Variants in NOS1AP observed in about 807,000 individuals in gnomAD.
The protein encoded by NOS1AP is nitric oxide synthase 1 adaptor protein.
A neutral mutation model predicts 56.2 loss-of-function variants in NOS1AP; 21 were observed. The ratio of observed to expected loss-of-function variants is 0.37; its 90% CI spans 0.26 to 0.54. NOS1AP has a LOEUF of 0.54. Among genes scored for constraint, NOS1AP ranks in the 20% least tolerant of loss-of-function variants. The pLI is 0.84. For missense variants in NOS1AP, 522 were observed against 657.8 expected (o/e 0.79, Z 2.26); for synonymous variants, 270 against 274.6 (o/e 0.98, Z 0.17).
At chr1:162,321,729 A>ATATATATATATATATAT (rs56969327) in intron 4 of NOS1AP, among the ~76,000 whole-genome samples, 1 of 127,812 alleles carries the variant, frequency 7.8e-6, no homozygotes, top group African/African-American at 3.1e-5. Flanking sequence ...TAAAAAAAAA[A>ATATATATATATATATAT]AAATATATAT....
chr1:162,363,673 A>G (rs1399967461), intron 8 of NOS1AP: 3 of 559,176 alleles, frequency 5.4e-6, no homozygotes, highest in South Asian at 7.8e-5. Context: ...TAATAAGCAT[A>G]CAAAAAACAC....
intron 5 of NOS1AP, among the ~76,000 whole-genome samples, chr1:162,337,494 T>G (rs573627099): frequency 6.6e-6 from 1 of 151,886 alleles, no homozygotes. Context: ...TTTTATACTT[T>G]AGGTTGAGTT....
chr1:162,085,986 A>T (rs1691991232), intron 1 of NOS1AP, among the ~76,000 whole-genome samples: 1 of 152,102 alleles, frequency 6.6e-6, no homozygotes, highest in Non-Finnish European at 1.5e-5. Context: ...TTCACTTCAT[A>T]TCCAATTCTG....
intron 2 of NOS1AP, among the ~76,000 whole-genome samples, chr1:162,213,618 C>T (rs910193772): frequency 2.0e-5 from 3 of 152,220 alleles, no homozygotes; most frequent in African/African-American, 7.2e-5. Flanking sequence ...TTAAGTTCTC[C>T]TCTGGATGAA....
chr1:162,243,286 G>C (rs1020096476), intron 2 of NOS1AP, among the ~76,000 whole-genome samples: 6 of 152,188 alleles, frequency 3.9e-5, no homozygotes, highest in African/African-American at 1.4e-4. Context: ...CTGGCTAGAT[G>C]AGAGAGAAGC....
At chr1:162,333,688 C>T (rs1656847941) in intron 5 of NOS1AP, among the ~76,000 whole-genome samples, 1 of 152,198 alleles carries the variant, frequency 6.6e-6, no homozygotes, top group Admixed American at 6.5e-5. Flanking sequence ...CTGCCTCTCA[C>T]TGGAACCCTG....
At chr1:162,366,825 C>A in intron 9 of NOS1AP, 1 of 617,868 alleles carries the variant, frequency 1.6e-6, no homozygotes, top group Non-Finnish European at 3.0e-6. Flanking sequence ...GTTCTTATGT[C>A]CCCGCCTTTA....
intron 1 of NOS1AP, among the ~76,000 whole-genome samples, chr1:162,105,069 A>G (rs1343014380): frequency 1.3e-5 from 2 of 151,936 alleles, no homozygotes; most frequent in Admixed American, 1.3e-4. Flanking sequence ...GAGGTTGCTG[A>G]CCTTTGAATA....
intron 2 of NOS1AP, among the ~76,000 whole-genome samples, chr1:162,263,576 A>G (rs797000620): frequency 2.0e-5 from 3 of 152,242 alleles, no homozygotes; most frequent in African/African-American, 7.2e-5. Context: ...TTTCACAGAG[A>G]GGTGGATTCT....
At chr1:162,173,227 C>G (rs1040428137) in intron 2 of NOS1AP, among the ~76,000 whole-genome samples, 1 of 152,162 alleles carries the variant, frequency 6.6e-6, no homozygotes, top group African/African-American at 2.4e-5. Context: ...TGGTCCTGAT[C>G]TCAGGTGATC....
intron 2 of NOS1AP, among the ~76,000 whole-genome samples, chr1:162,169,213 C>T (rs1650648360): frequency 6.6e-6 from 1 of 152,246 alleles, no homozygotes; most frequent in Non-Finnish European, 1.5e-5. Flanking sequence ...TTCTCTTCAG[C>T]ATCTGCTGTT....
At chr1:162,193,517 G>A (rs1651707074) in intron 2 of NOS1AP, among the ~76,000 whole-genome samples, 1 of 152,188 alleles carries the variant, frequency 6.6e-6, no homozygotes, top group African/African-American at 2.4e-5. Context: ...GTGGAGTAAG[G>A]AGAGGGTATT....
chr1:162,175,697 G>C (rs1368027322), intron 2 of NOS1AP, among the ~76,000 whole-genome samples: 1 of 152,136 alleles, frequency 6.6e-6, no homozygotes, highest in Non-Finnish European at 1.5e-5. Context: ...AATGAAATAC[G>C]TGTGTATGCT....
chr1:162,301,874 G>A (rs913481596), intron 4 of NOS1AP, among the ~76,000 whole-genome samples: 3 of 152,244 alleles, frequency 2.0e-5, no homozygotes, highest in Admixed American at 6.5e-5. Flanking sequence ...TGGCAGCATG[G>A]TGGCCCTGCC....
At chr1:162,264,469 C>CCCTCCCCTGT (rs1553200314) in intron 2 of NOS1AP, among the ~76,000 whole-genome samples, 23,905 of 31,894 alleles carry the variant, frequency 0.75, 10,783 homozygotes, top group Non-Finnish European at 0.83. Flanking sequence ...TCTTCTCCTC[C>CCCTCCCCTGT]CCTCCCCTCC....
At chr1:162,165,785 G>A (rs990689141) in intron 2 of NOS1AP, among the ~76,000 whole-genome samples, 19 of 152,164 alleles carry the variant, frequency 1.2e-4, no homozygotes, top group African/African-American at 3.9e-4. Flanking sequence ...TATGTCACTA[G>A]ATGTAAATAA....
At chr1:162,151,650 T>C (rs1649709840) in intron 1 of NOS1AP, among the ~76,000 whole-genome samples, 1 of 152,244 alleles carries the variant, frequency 6.6e-6, no homozygotes, top group African/African-American at 2.4e-5. Context: ...CATTATTTTG[T>C]GTCCTCTTCA....
chr1:162,115,483 G>A (rs1647908323), intron 1 of NOS1AP, among the ~76,000 whole-genome samples: 1 of 152,026 alleles, frequency 6.6e-6, no homozygotes, highest in Admixed American at 6.5e-5. Context: ...TTTTTGTGAG[G>A]GGATTCTTGG....
At chr1:162,343,768 T>G in intron 5 of NOS1AP, 67 bp from the exon 6 acceptor site, 79 of 1,576,032 alleles carry the variant, frequency 5.0e-5, no homozygotes, top group Middle Eastern at 1.7e-4. Context: ...GGCTGCTTCA[T>G]GAGTTTCTAT....
Sources: gnomAD v4.1 joint callset for allele counts (sites outside exome capture counted in the v4.1 genomes callset) on GRCh38, gnomAD v4.1.1 for gene constraint, MANE v1.5 for transcripts, NCBI Gene and HGNC (gene_info 2026-07-23, HGNC 2026-07-21) for gene names.